Variants in KLF12 observed in about 807,000 individuals in gnomAD.
The protein encoded by KLF12 is KLF transcription factor 12, also known as Krueppel-like factor 12.
KLF12 carries 9 observed loss-of-function variants against 37.8 expected under a neutral mutation model. The observed-to-expected ratio is 0.24, with a 90% CI of 0.14 to 0.42. The LOEUF (loss-of-function observed/expected upper bound fraction) is 0.42. Among genes scored for constraint, KLF12 ranks in the 10% least tolerant of loss-of-function variants. KLF12 has a pLI of 1.00. For missense variants in KLF12, 411 were observed against 516.0 expected (o/e 0.80, Z 1.97); for synonymous variants, 208 against 202.1 (o/e 1.03, Z -0.25).
intron 5 of KLF12, among the ~76,000 whole-genome samples, chr13:73,787,701 T>C (rs760610008): frequency 9.2e-5 from 14 of 152,156 alleles, no homozygotes; most frequent in African/African-American, 3.1e-4. Context: ...CTCCACAGTA[T>C]ATGTAGTGGG....
the KLF12 span, among the ~76,000 whole-genome samples, chr13:74,165,792 C>T: frequency 6.6e-6 from 1 of 152,194 alleles, no homozygotes; most frequent in Non-Finnish European, 1.5e-5. Flanking sequence ...TCTGGACCAA[C>T]CATTCACAGA....
intron 6 of KLF12, among the ~76,000 whole-genome samples, chr13:73,732,753 T>C (rs1193882210): frequency 6.6e-6 from 1 of 152,090 alleles, no homozygotes; most frequent in Non-Finnish European, 1.5e-5. Flanking sequence ...TCAAATCTAT[T>C]TCAAACTCTC....
intron 6 of KLF12, among the ~76,000 whole-genome samples, chr13:73,760,862 T>G (rs1259161152): frequency 6.6e-6 from 1 of 152,150 alleles, no homozygotes; most frequent in East Asian, 1.9e-4. Flanking sequence ...AGTGAAAATC[T>G]AAAGATGGAG....
intron 3 of KLF12, among the ~76,000 whole-genome samples, chr13:73,847,825 A>G (rs1885107979): frequency 6.6e-6 from 1 of 152,198 alleles, no homozygotes; most frequent in Non-Finnish European, 1.5e-5. Flanking sequence ...TTAAAAAACA[A>G]AGAAAAAACA....
chr13:74,141,470 A>G, the KLF12 span, among the ~76,000 whole-genome samples: 2 of 152,224 alleles, frequency 1.3e-5, no homozygotes, highest in African/African-American at 4.8e-5. Context: ...ACTGATTTCC[A>G]TAGCTTTCAT....
chr13:73,884,776 A>C (rs1232556619), intron 3 of KLF12, among the ~76,000 whole-genome samples: 3 of 152,222 alleles, frequency 2.0e-5, no homozygotes, highest in African/African-American at 4.8e-5. Flanking sequence ...GAGCCACAGG[A>C]GATTAGTGTT....
At chr13:73,765,156 C>T (rs1879828881) in intron 5 of KLF12, among the ~76,000 whole-genome samples, 156 bp from the exon 6 acceptor site, 1 of 152,124 alleles carries the variant, frequency 6.6e-6, no homozygotes, top group Admixed American at 6.5e-5. Flanking sequence ...CAATTAAATT[C>T]CTACGCCTGC....
At chr13:73,846,979 T>A (rs547555651) in intron 3 of KLF12, among the ~76,000 whole-genome samples, 1 of 152,316 alleles carries the variant, frequency 6.6e-6, no homozygotes, top group African/African-American at 2.4e-5. Context: ...CTGAAAATTA[T>A]AATTTGTCTA....
At chr13:74,022,386 C>T (rs1415808875) in intron 1 of KLF12, among the ~76,000 whole-genome samples, 1 of 151,702 alleles carries the variant, frequency 6.6e-6, no homozygotes, top group East Asian at 1.9e-4. Flanking sequence ...TGTCTATACA[C>T]ACACATTAAG....
At chr13:73,903,740 C>T (rs1046234304) in intron 3 of KLF12, among the ~76,000 whole-genome samples, 3 of 152,186 alleles carry the variant, frequency 2.0e-5, no homozygotes, top group Non-Finnish European at 4.4e-5. Context: ...GGAACCTCGT[C>T]GCACAGCAGG....
chr13:73,899,884 C>G (rs1373402784), intron 3 of KLF12, among the ~76,000 whole-genome samples: 1 of 152,158 alleles, frequency 6.6e-6, no homozygotes, highest in East Asian at 1.9e-4. Context: ...AGACAGCCTA[C>G]TATGAGACTT....
At chr13:73,712,813 T>C (rs1156459340) in intron 7 of KLF12, among the ~76,000 whole-genome samples, 1 of 152,234 alleles carries the variant, frequency 6.6e-6, no homozygotes, top group Non-Finnish European at 1.5e-5. Flanking sequence ...CTCAGATGAC[T>C]GTTAGTACTT....
At chr13:74,151,425 C>T in the KLF12 span, among the ~76,000 whole-genome samples, 5 of 152,056 alleles carry the variant, frequency 3.3e-5, no homozygotes, top group South Asian at 2.1e-4. Context: ...CCGAGGTGGG[C>T]GGATTGCTTG....
Position 74,041,691 on chromosome 13 carries a change from TACACACACACACACAC to T in KLF12, c.-31-46654_-31-46639del, listed in dbSNP as rs59315484. ...TATGAAATTCCCCAGATCGCTGATT[TACACACACACACACAC>T]ACACACACACACACACACACACACA... On this transcript the variant is annotated intron_variant, in intron 1 of 7. Coordinates refer to ENST00000377669, the MANE Select transcript of KLF12 (RefSeq NM_007249.5). 3.5e-4 allele frequency among the ~76,000 whole-genome samples: 50 copies of T among 142,372 alleles called. 1 individual carries two copies. Among genetic ancestry groups the T allele is most frequent in the African/African-American group, 1.0e-3 (40 of 38,246 alleles). The allele number at this position is 142,372 out of a possible 152,430, so 93.4% of individuals were successfully genotyped here. A position where few individuals can be genotyped will look rare whatever the true frequency, so the allele number is the denominator to read the frequency against.
intron 3 of KLF12, among the ~76,000 whole-genome samples, chr13:73,857,353 G>A (rs1390267433): frequency 2.0e-5 from 3 of 152,064 alleles, no homozygotes; most frequent in Non-Finnish European, 2.9e-5. Flanking sequence ...GGCCTGGTGA[G>A]GACACAGAAA....
At chr13:74,303,416 C>T in the KLF12 span, among the ~76,000 whole-genome samples, 1 of 152,062 alleles carries the variant, frequency 6.6e-6, no homozygotes, top group African/African-American at 2.4e-5. Context: ...GAGGGCATAG[C>T]TAACTTCTGT....
intron 5 of KLF12, 31 bp from the exon 6 acceptor site, chr13:73,765,031 G>GA: frequency 7.5e-7 from 1 of 1,339,948 alleles, no homozygotes; most frequent in Non-Finnish European, 1.0e-6. Flanking sequence ...TCCAGTCATT[G>GA]AAAAAGCATA....
chr13:73,801,604 G>C (rs1882282172), intron 5 of KLF12: 1 of 152,080 alleles, frequency 6.6e-6, no homozygotes, highest in East Asian at 1.9e-4. Context: ...TTTGCAATGT[G>C]ATTATAGGTA....
At chr13:73,749,089 T>A (rs1490961914) in intron 6 of KLF12, among the ~76,000 whole-genome samples, 1 of 152,128 alleles carries the variant, frequency 6.6e-6, no homozygotes, top group African/African-American at 2.4e-5. Context: ...TCAGTGTGTG[T>A]TCTAAGACCA....
Sources: gnomAD v4.1 joint callset for allele counts (sites outside exome capture counted in the v4.1 genomes callset) on GRCh38, gnomAD v4.1.1 for gene constraint, MANE v1.5 for transcripts, NCBI Gene and HGNC (gene_info 2026-07-23, HGNC 2026-07-21) for gene names.